The following EFCAB6 variants were observed in gnomAD, a reference collection of about 807,000 sequenced individuals.
EFCAB6 encodes the protein EF-hand calcium-binding domain-containing protein 6.
In EFCAB6, 156 loss-of-function variants were observed where a neutral mutation model predicts 169.8. The observed-to-expected ratio is 0.92, with a 90% confidence interval of 0.81 to 1.05. The LOEUF is 1.05. EFCAB6 is among the 50% of genes least tolerant of loss of function. The probability of loss-of-function intolerance (pLI) is 0.00; values close to 1 mark genes in which losing one functional copy is unlikely to be tolerated. For synonymous variants in EFCAB6, 698 were observed against 676.4 expected (o/e 1.03, Z -0.50); for missense variants, 1,800 against 1,829.1 (o/e 0.98, Z 0.29).
intron 18 of EFCAB6, among the ~76,000 whole-genome samples, chr22:43,634,036 A>G (rs972942248): frequency 1.3e-5 from 2 of 152,032 alleles, no homozygotes; most frequent in Admixed American, 6.6e-5. Context: ...AGGGGAGGAG[A>G]ACACAGGCAG....
At position 43,643,451 on chromosome 22, in the gene EFCAB6, T is replaced by A. The variant is rs979150131; in HGVS notation, c.1984-8235A>T. Among the ~76,000 whole-genome samples the A allele has an allele frequency of 3.3e-5, 5 of 152,240 alleles. No individual in the cohort carries two copies. The East Asian group carries it at 9.6e-4, about 29-fold the overall frequency. Reference sequence around the variant, plus strand: ...AAGCCCAGAGATGCAAGAGCCTGCCTCACGGTCACGTGTGAGCAATAAGGA... The same window carrying A: ...AAGCCCAGAGATGCAAGAGCCTGCCACACGGTCACGTGTGAGCAATAAGGA... On this transcript the variant is annotated intron_variant, in intron 17 of 31. Coordinates refer to ENST00000262726, the MANE Select transcript of EFCAB6 (RefSeq NM_022785.4).
chr22:43,644,936 C>A (rs941869515), intron 17 of EFCAB6, among the ~76,000 whole-genome samples: 4 of 152,178 alleles, frequency 2.6e-5, no homozygotes, highest in African/African-American at 9.7e-5. Flanking sequence ...TTCCACATAA[C>A]TTCTTAATTT....
intron 22 of EFCAB6, 96 bp downstream of exon 22, chr22:43,608,386 A>C (rs2053065917): frequency 2.0e-6 from 2 of 1,014,106 alleles, no homozygotes; most frequent in Non-Finnish European, 1.5e-6. Flanking sequence ...CCCAGCCCCC[A>C]GTTACCCTGA....
At chr22:43,788,061 A>G (rs556096734) in intron 2 of EFCAB6, among the ~76,000 whole-genome samples, 1 of 152,312 alleles carries the variant, frequency 6.6e-6, no homozygotes, top group Admixed American at 6.5e-5. Flanking sequence ...CCTAGCTCAC[A>G]CCATATACAA....
At chr22:43,546,970 T>C (rs2048093817) in intron 27 of EFCAB6, among the ~76,000 whole-genome samples, 1 of 151,842 alleles carries the variant, frequency 6.6e-6, no homozygotes, top group African/African-American at 2.4e-5. Flanking sequence ...AGATAAAAAC[T>C]GGGCGAACTT....
At chr22:43,756,401 G>T (rs1007028753) in intron 5 of EFCAB6, among the ~76,000 whole-genome samples, 7 of 152,090 alleles carry the variant, frequency 4.6e-5, no homozygotes, top group African/African-American at 1.4e-4. Context: ...AGGGCTTCGT[G>T]GTCAATGCAT....
chr22:43,802,625 C>A, intron 2 of EFCAB6: 1 of 478,810 alleles, frequency 2.1e-6, no homozygotes, highest in South Asian at 1.6e-5. Context: ...AGAGCCCAAG[C>A]CTAAAAGGGC....
intron 22 of EFCAB6, 97 bp from the exon 23 acceptor site, chr22:43,600,360 C>T (rs1353493923): frequency 8.0e-7 from 1 of 1,251,942 alleles, no homozygotes. Context: ...CCATGAGGAG[C>T]TCGTCTTCCA....
At chr22:43,784,628 T>C (rs866475363) in intron 2 of EFCAB6, among the ~76,000 whole-genome samples, 1 of 76,898 alleles carries the variant, frequency 1.3e-5, no homozygotes, top group African/African-American at 4.5e-5. Context: ...TATACACATA[T>C]ATATGTATAT....
chr22:43,532,634 T>C (rs2047144798), intron 30 of EFCAB6, among the ~76,000 whole-genome samples: 1 of 152,218 alleles, frequency 6.6e-6, no homozygotes, highest in Non-Finnish European at 1.5e-5. Context: ...CTAGCTCCTG[T>C]TTGTCTAAAC....
chr22:43,798,062 T>G (rs933045184), intron 2 of EFCAB6, among the ~76,000 whole-genome samples: 19 of 152,084 alleles, frequency 1.2e-4, no homozygotes, highest in African/African-American at 4.6e-4. Context: ...AGATTCCCAT[T>G]CCAGTCCTGG....
chr22:43,571,562 C>T (rs1241556326), intron 26 of EFCAB6, among the ~76,000 whole-genome samples: 1 of 152,290 alleles, frequency 6.6e-6, no homozygotes, highest in East Asian at 1.9e-4. Flanking sequence ...TGAATGCAGT[C>T]TGGGGTTCTT....
intron 21 of EFCAB6, among the ~76,000 whole-genome samples, chr22:43,612,564 T>C (rs1347703214): frequency 6.6e-6 from 1 of 152,068 alleles, no homozygotes; most frequent in African/African-American, 2.4e-5. Flanking sequence ...AAAACCACAA[T>C]GAGATACCAT....
At chr22:43,573,454 T>A (rs1341955016) in intron 26 of EFCAB6, among the ~76,000 whole-genome samples, 1 of 49,994 alleles carries the variant, frequency 2.0e-5, no homozygotes, top group East Asian at 6.1e-4. Flanking sequence ...AAAAAGGGGC[T>A]GGGCACGGTG....
chr22:43,788,945 C>G (rs1046273020), intron 2 of EFCAB6, among the ~76,000 whole-genome samples: 6 of 152,210 alleles, frequency 3.9e-5, no homozygotes, highest in Non-Finnish European at 7.3e-5. Context: ...ATGGATCAAC[C>G]TTGAAAACAT....
At chr22:43,716,816 G>A in intron 9 of EFCAB6, 32 bp downstream of exon 9, 1 of 1,588,238 alleles carries the variant, frequency 6.3e-7, no homozygotes. Context: ...TGTTTACTCT[G>A]TAGGTAATTG....
intron 8 of EFCAB6, among the ~76,000 whole-genome samples, chr22:43,724,715 A>C (rs1341336197): frequency 1.3e-5 from 2 of 152,126 alleles, no homozygotes; most frequent in African/African-American, 4.8e-5. Flanking sequence ...CCACTCAAGT[A>C]ATCTCCAAAA....
intron 5 of EFCAB6, among the ~76,000 whole-genome samples, chr22:43,763,718 G>A (rs181830304): frequency 4.0e-5 from 6 of 151,168 alleles, no homozygotes; most frequent in South Asian, 2.1e-4. Context: ...TGGCTTTTGT[G>A]GGTTTTTTTT....
intron 11 of EFCAB6, among the ~76,000 whole-genome samples, chr22:43,686,532 C>T (rs1603213074): frequency 6.6e-6 from 1 of 152,306 alleles, no homozygotes; most frequent in East Asian, 1.9e-4. Flanking sequence ...CTGACAGCCT[C>T]TCTAGACAAC....
Sources: gnomAD v4.1 joint callset for allele counts (sites outside exome capture counted in the v4.1 genomes callset) on GRCh38, gnomAD v4.1.1 for gene constraint, MANE v1.5 for transcripts, NCBI Gene and HGNC (gene_info 2026-07-23, HGNC 2026-07-21) for gene names.